The following LTBP1 variants were observed in gnomAD, a reference collection of about 807,000 sequenced individuals.
LTBP1 encodes latent transforming growth factor beta binding protein 1.
LTBP1 carries 129 observed loss-of-function variants against 207.6 expected under a neutral mutation model. That is an observed-to-expected ratio of 0.62 (90% CI 0.54 to 0.72). LTBP1 has a LOEUF of 0.72. Among genes scored for constraint, LTBP1 ranks in the 30% least tolerant of loss-of-function variants. The pLI is 0.00. For missense variants in LTBP1, 2,281 were observed against 2,217.2 expected (o/e 1.03, Z -0.58); for synonymous variants, 963 against 833.7 (o/e 1.16, Z -2.67).
At chr2:33,312,214 T>C (rs1218220916) in intron 23 of LTBP1, among the ~76,000 whole-genome samples, 3 of 151,528 alleles carry the variant, frequency 2.0e-5, no homozygotes, top group Admixed American at 6.6e-5. Context: ...TTTGTTTAAA[T>C]TCTGAAAATG....
At chr2:33,010,613 A>C (rs1381200792) in intron 2 of LTBP1, among the ~76,000 whole-genome samples, 2 of 152,214 alleles carry the variant, frequency 1.3e-5, no homozygotes, top group Admixed American at 1.3e-4. Context: ...TCTGCAGGTA[A>C]CAAGATATCA....
chr2:33,115,258 A>G (rs2080675742), intron 4 of LTBP1, among the ~76,000 whole-genome samples: 1 of 152,154 alleles, frequency 6.6e-6, no homozygotes, highest in Non-Finnish European at 1.5e-5. Flanking sequence ...TCCAGACTAC[A>G]TGCTATATGA....
At chr2:33,390,733 T>G (rs2095308101) in intron 32 of LTBP1, among the ~76,000 whole-genome samples, 1 of 152,024 alleles carries the variant, frequency 6.6e-6, no homozygotes, top group Non-Finnish European at 1.5e-5. Flanking sequence ...CTCAAGTGAT[T>G]CATCCGCCTC....
chr2:33,361,322 G>A, intron 27 of LTBP1, 107 bp from the exon 28 acceptor site: 1 of 590,592 alleles, frequency 1.7e-6, no homozygotes, highest in Admixed American at 3.2e-5. Context: ...TTTATTTGCT[G>A]GAATTGCCTT....
In LTBP1 at chr2:33,176,552, A is replaced by G. The variant is rs542230151; in HGVS notation, c.1202-10304A>G. Reference sequence around the variant, plus strand: ...CAACATGTTAATTTAATATATTAATATAGTGCTATTGACGTTATTGATTGA... The same window carrying G: ...CAACATGTTAATTTAATATATTAATGTAGTGCTATTGACGTTATTGATTGA... On this transcript the variant is annotated intron_variant, in intron 5 of 33. Transcript: ENST00000404816. Among the ~76,000 whole-genome samples the G allele has an allele frequency of 3.3e-5, 5 of 152,272 alleles. No homozygotes were observed. In the South Asian group the frequency reaches 8.3e-4, roughly 25 times the overall value.
chr2:33,291,360 A>G (rs1312743645), intron 19 of LTBP1: 1 of 152,234 alleles, frequency 6.6e-6, no homozygotes, highest in Non-Finnish European at 1.5e-5. Flanking sequence ...TGCATGAATA[A>G]TTAAAGAGAG....
chr2:33,132,648 C>T (rs1273083163), intron 4 of LTBP1, among the ~76,000 whole-genome samples: 1 of 152,164 alleles, frequency 6.6e-6, no homozygotes, highest in Non-Finnish European at 1.5e-5. Context: ...GTCTGCTTGG[C>T]CACTAGGACA....
intron 22 of LTBP1, 37 bp downstream of exon 22, chr2:33,301,681 C>T (rs116724079): frequency 0.026 from 38,986 of 1,528,194 alleles, 613 homozygotes; most frequent in Middle Eastern, 0.1. Context: ...CATAAAATGC[C>T]CAGATCGGAG....
chr2:33,338,801 A>T (rs184990789), intron 24 of LTBP1, among the ~76,000 whole-genome samples: 2 of 152,182 alleles, frequency 1.3e-5, no homozygotes, highest in Non-Finnish European at 2.9e-5. Flanking sequence ...TAAAGACCGT[A>T]GGTTTTCAAA....
At chr2:33,369,253 T>A (rs1373963654) in intron 31 of LTBP1, among the ~76,000 whole-genome samples, 1 of 152,156 alleles carries the variant, frequency 6.6e-6, no homozygotes. Context: ...ATATCCACAG[T>A]TATTATGATA....
intron 24 of LTBP1, among the ~76,000 whole-genome samples, chr2:33,332,397 A>T (rs77752674): frequency 2.3e-5 from 3 of 129,948 alleles, no homozygotes; most frequent in Non-Finnish European, 5.0e-5. Flanking sequence ...AAAAAAAAAA[A>T]AGAGAGAGAG....
chr2:33,369,358 T>C (rs2095039441), intron 31 of LTBP1, among the ~76,000 whole-genome samples: 1 of 152,184 alleles, frequency 6.6e-6, no homozygotes, highest in South Asian at 2.1e-4. Flanking sequence ...GGTAGTTTTT[T>C]TGTTAACTGT....
At chr2:33,207,310 T>A (rs1050862458) in intron 7 of LTBP1, among the ~76,000 whole-genome samples, 2 of 152,228 alleles carry the variant, frequency 1.3e-5, no homozygotes, top group Non-Finnish European at 2.9e-5. Context: ...GCCCATGGTT[T>A]GGCTTCAGCA....
At chr2:33,270,317 C>A (rs2093288898) in intron 15 of LTBP1, among the ~76,000 whole-genome samples, 1 of 151,926 alleles carries the variant, frequency 6.6e-6, no homozygotes, top group African/African-American at 2.4e-5. Flanking sequence ...AGAGTGGAAT[C>A]CTTGGCTCAC....
intron 4 of LTBP1, among the ~76,000 whole-genome samples, chr2:33,124,085 G>T (rs1458086195): frequency 2.0e-5 from 3 of 152,176 alleles, no homozygotes; most frequent in Non-Finnish European, 4.4e-5. Flanking sequence ...CTATAGAGCT[G>T]CTAACAAGAG....
At chr2:33,210,460 A>G (rs1358020515) in intron 7 of LTBP1, among the ~76,000 whole-genome samples, 8 of 152,138 alleles carry the variant, frequency 5.3e-5, no homozygotes, top group African/African-American at 1.7e-4. Flanking sequence ...TAAAAACATT[A>G]TCTCTTTCTC....
intron 5 of LTBP1, among the ~76,000 whole-genome samples, chr2:33,150,107 G>A (rs545118826): frequency 1.4e-4 from 22 of 152,296 alleles, no homozygotes; most frequent in African/African-American, 4.1e-4. Flanking sequence ...TGTGTATCAC[G>A]TTTTTAAAGC....
chr2:33,105,591 C>A (rs1007049586), intron 3 of LTBP1, among the ~76,000 whole-genome samples: 1 of 152,062 alleles, frequency 6.6e-6, no homozygotes, highest in Non-Finnish European at 1.5e-5. Flanking sequence ...TGGCACCACA[C>A]CTGGCTAATT....
intron 19 of LTBP1, among the ~76,000 whole-genome samples, chr2:33,292,107 C>G (rs2093786103): frequency 6.6e-6 from 1 of 152,190 alleles, no homozygotes; most frequent in Admixed American, 6.5e-5. Context: ...TCACTAGTGT[C>G]TGTCACTGTG....
Sources: gnomAD v4.1 joint callset for allele counts (sites outside exome capture counted in the v4.1 genomes callset) on GRCh38, gnomAD v4.1.1 for gene constraint, MANE v1.5 for transcripts, NCBI Gene and HGNC (gene_info 2026-07-23, HGNC 2026-07-21) for gene names.